Variants in SMURF1 observed in about 807,000 individuals in gnomAD.
SMURF1 encodes the protein SMAD specific E3 ubiquitin protein ligase 1.
Under a neutral mutation model 98.0 loss-of-function variants are expected in SMURF1, and 44 were observed. The observed-to-expected ratio is 0.45, with a 90% CI of 0.35 to 0.58. The LOEUF is 0.58. Ranked by LOEUF, SMURF1 falls within the 20% of genes least tolerant of loss-of-function variation. The probability of loss-of-function intolerance (pLI) is 0.00; values close to 1 mark genes in which losing one functional copy is unlikely to be tolerated. For synonymous variants in SMURF1, 396 were observed against 374.9 expected, an observed-to-expected ratio of 1.06 and a Z score of -0.65; for missense variants, 687 against 938.4, an observed-to-expected ratio of 0.73 and a Z score of 3.50.
chr7:99,088,270 A>AT (rs1260835003), intron 1 of SMURF1, among the ~76,000 whole-genome samples: 7 of 151,902 alleles, frequency 4.6e-5, no homozygotes, highest in African/African-American at 1.5e-4. Flanking sequence ...AAAAAAAAAA[A>AT]AATTAAAAAG....
chr7:99,118,225 A>T (rs1227792958), intron 1 of SMURF1, among the ~76,000 whole-genome samples: 1 of 152,236 alleles, frequency 6.6e-6, no homozygotes, highest in Non-Finnish European at 1.5e-5. Context: ...TGATGCAGTG[A>T]CTGGAAAACG....
intron 4 of SMURF1, 32 bp downstream of exon 4, chr7:99,057,386 C>T (rs1184941974): frequency 1.2e-6 from 2 of 1,612,160 alleles, no homozygotes; most frequent in Middle Eastern, 1.7e-4. Context: ...TCTTTGGTTG[C>T]ATTAAGAGGC....
At chr7:99,127,176 T>C (rs997402589) in intron 1 of SMURF1, among the ~76,000 whole-genome samples, 3 of 152,202 alleles carry the variant, frequency 2.0e-5, no homozygotes, top group African/African-American at 7.2e-5. Context: ...CACGGGAACG[T>C]TGACGAGCAC....
chr7:99,101,097 T>C (rs1017036290), intron 1 of SMURF1, among the ~76,000 whole-genome samples: 34 of 152,350 alleles, frequency 2.2e-4, no homozygotes, highest in Admixed American at 1.8e-3. Flanking sequence ...ACTTGGTTCT[T>C]GATAAGGAAC....
chr7:99,125,734 A>G (rs1457578375), intron 1 of SMURF1, among the ~76,000 whole-genome samples: 1 of 152,170 alleles, frequency 6.6e-6, no homozygotes, highest in Admixed American at 6.5e-5. Context: ...GCCCTTAGTT[A>G]CCATGCTACT....
intron 17 of SMURF1, 129 bp downstream of exon 17, chr7:99,032,908 G>T: frequency 1.8e-6 from 2 of 1,086,190 alleles, no homozygotes; most frequent in Non-Finnish European, 2.7e-6. Context: ...TGTGGCTTTT[G>T]AGTTCTGATG....
At chr7:99,092,744 G>A (rs1486351557) in intron 1 of SMURF1, among the ~76,000 whole-genome samples, 1 of 152,118 alleles carries the variant, frequency 6.6e-6, no homozygotes, top group Non-Finnish European at 1.5e-5. Flanking sequence ...GCTGTTCGTT[G>A]TGAGTTCAAT....
At chr7:99,083,041 G>A (rs185117874) in intron 1 of SMURF1, among the ~76,000 whole-genome samples, 2 of 151,996 alleles carry the variant, frequency 1.3e-5, no homozygotes, top group African/African-American at 4.8e-5. Context: ...GTTTGCATAG[G>A]ATGGTGGGGC....
Position 99,028,989 on chromosome 7 carries a change from TA to T in SMURF1, c.*1594del, listed in dbSNP as rs1234958622. 1 of 152,328 alleles carries T rather than the reference TA, an allele frequency of 6.6e-6. No individual in the cohort carries two copies. Among genetic ancestry groups the T allele is most frequent in the African/African-American group, 2.4e-5 (1 of 41,464 alleles). 9.4% of individuals were successfully genotyped at this position (152,328 alleles called of 1,614,324 possible). On this transcript the variant is annotated 3_prime_UTR_variant, in exon 18 of 18. Coordinates refer to ENST00000361368, the MANE Select transcript of SMURF1 (RefSeq NM_181349.3). ...GCAAGGCAGAACTTTTCAAAGAGGC[TA>T]AGCCCACCATTTGGCCTGGACTTTT...
Position 99,052,394 on chromosome 7 carries a change from C to G in SMURF1, c.532G>C (p.Glu178Gln). ...GTGCTATCTGTGTAAGGGGCTGGTT[C>G]CTCCATGAAGCAGCTGAGCGGCCTC... Reference protein sequence around the residue: ...PGRPLSCFMEEPAPYTDSTGA... With the variant: ...PGRPLSCFMEQPAPYTDSTGA... The change falls in exon 7 of 18, where the codon GAA becomes CAA. Residue 178 changes from glutamate to glutamine, a missense_variant. Glu to Gln is a conservative substitution (Grantham distance 29). Around this residue, in one of 2 missense-constraint regions of SMURF1, gnomAD observed 415 missense variants for 508.4 expected, o/e 0.82. Transcript: ENST00000361368. 1 of 1,606,476 alleles carries G rather than the reference C, an allele frequency of 6.2e-7. No individual in the cohort carries two copies. Among genetic ancestry groups the G allele is most frequent in the East Asian group, 2.2e-5 (1 of 44,714 alleles).
At position 99,047,778 on chromosome 7, in the gene SMURF1, A is replaced by G; in HGVS notation, c.1058T>C (p.Val353Ala). 6.2e-7 allele frequency: 1 copy of G among 1,614,182 alleles called. No individual in the cohort carries two copies. Among genetic ancestry groups the G allele is most frequent in the South Asian group, 1.1e-5 (1 of 91,076 alleles). Reference protein sequence around the residue: ...LPAQRYERDLVQKLKVLRHEL... With the variant: ...LPAQRYERDLAQKLKVLRHEL... ...GTGTCTGAGGACTTTCAGCTTCTGG[A>G]CTAGATCTCTTTCGTATCTCTGGGC... The change falls in exon 10 of 18, where the codon GTC becomes GCC. Residue 353 changes from valine (V) to alanine (A), a missense_variant. Val to Ala is a moderately conservative substitution (Grantham distance 64). Around this residue, in one of 2 missense-constraint regions of SMURF1, gnomAD observed 415 missense variants for 508.4 expected, o/e 0.82. Coordinates refer to ENST00000361368, the MANE Select transcript of SMURF1 (RefSeq NM_181349.3).
intron 1 of SMURF1, among the ~76,000 whole-genome samples, chr7:99,111,676 G>A (rs2150604947): frequency 6.6e-6 from 1 of 152,282 alleles, no homozygotes; most frequent in East Asian, 1.9e-4. Context: ...CTAAGAGAGA[G>A]TCATGGAATT....
At chr7:99,143,623 A>C in intron 1 of SMURF1, 103 bp downstream of exon 1, 2 of 995,990 alleles carry the variant, frequency 2.0e-6, no homozygotes, top group Non-Finnish European at 2.8e-6. Flanking sequence ...GTCCTGGGAC[A>C]ACGGCCGGCG....
intron 1 of SMURF1, among the ~76,000 whole-genome samples, chr7:99,099,572 C>G (rs1047232612): frequency 6.6e-6 from 1 of 152,132 alleles, no homozygotes; most frequent in African/African-American, 2.4e-5. Context: ...CCCACCAAAA[C>G]TCATGTTAAA....
chr7:99,049,685 A>C lies in SMURF1; in HGVS notation c.831T>G (p.Asp277Glu), dbSNP rs780395724. 38 of 1,614,030 alleles carry C rather than the reference A, an allele frequency of 2.4e-5. No homozygotes were observed. The highest frequency in any genetic ancestry group is 3.1e-5 in the Non-Finnish European group (37 of 1,180,026). The change falls in exon 9 of 18, where the codon GAT (aspartate) becomes GAG (glutamate). Residue 277 changes from aspartate to glutamate, a missense_variant. Asp to Glu is a conservative substitution (Grantham distance 45). Transcript: ENST00000361368. ...IPRDLNSVNC[D>E]ELGPLPPGWE... ...AGCCTGGCGGCAGTGGTCCAAGTTC[A>C]TCACAGTTCACACTGTTAAGGTCTC...
chr7:99,113,442 C>T (rs1295160313), intron 1 of SMURF1, among the ~76,000 whole-genome samples: 2 of 152,096 alleles, frequency 1.3e-5, no homozygotes, highest in Admixed American at 1.3e-4. Flanking sequence ...CCTTCAAATA[C>T]AAAGGAGAAA....
chr7:99,074,233 G>A (rs1022173204), intron 1 of SMURF1, among the ~76,000 whole-genome samples: 3 of 152,192 alleles, frequency 2.0e-5, no homozygotes, highest in Non-Finnish European at 2.9e-5. Flanking sequence ...AGGTGACTGG[G>A]GAACTGGCCA....
In SMURF1 at chr7:99,143,917, G is replaced by C; in HGVS notation, c.-137C>G. The C allele has an allele frequency of 1.5e-6, 1 of 653,948 alleles. No homozygotes were observed. The highest frequency in any genetic ancestry group is 3.3e-5 in the South Asian group (1 of 30,396). 40.5% of individuals were successfully genotyped at this position (653,948 alleles called of 1,614,324 possible). On this transcript the variant is annotated 5_prime_UTR_variant, in exon 1 of 18. Transcript: ENST00000361368. ...GTCCGAGCCGGGACACAAACTCCGC[G>C]GCCCAGGCGTCCGGGCGGCAGGCGG...
chr7:99,039,782 C>G (rs1160547762), intron 13 of SMURF1, among the ~76,000 whole-genome samples: 1 of 152,204 alleles, frequency 6.6e-6, no homozygotes, highest in East Asian at 1.9e-4. Context: ...CTCCATCTGT[C>G]AGAGCCTGAT....
Sources: gnomAD v4.1 joint callset for allele counts (sites outside exome capture counted in the v4.1 genomes callset) on GRCh38, gnomAD v4.1.1 for gene constraint, gnomAD v4.1.1 regional missense constraint, MANE v1.5 for transcripts, NCBI Gene and HGNC (gene_info 2026-07-23, HGNC 2026-07-21) for gene names.